Variants in PDGFC observed in about 807,000 individuals in gnomAD.
PDGFC encodes platelet derived growth factor C.
PDGFC carries 12 observed loss-of-function variants against 35.5 expected under a neutral mutation model. That is an observed-to-expected ratio of 0.34 (90% CI 0.22 to 0.55). The LOEUF (loss-of-function observed/expected upper bound fraction) is 0.55, where lower values mean the gene tolerates loss of function less well. Among genes scored for constraint, PDGFC ranks in the 20% least tolerant of loss-of-function variants. PDGFC has a pLI of 0.91. For synonymous variants in PDGFC, 159 were observed against 148.8 expected (o/e 1.07, Z -0.50); for missense variants, 322 against 412.4 (o/e 0.78, Z 1.90).
intron 2 of PDGFC, among the ~76,000 whole-genome samples, chr4:156,825,593 T>TAATAATAAGAAGAAGAAGAAG (rs1267062505): frequency 1.6e-5 from 1 of 62,186 alleles, no homozygotes; most frequent in Non-Finnish European, 2.8e-5. Context: ...ATAATAATAA[T>TAATAATAAGAAGAAGAAGAAG]AAGAAGAAGA....
intron 3 of PDGFC, among the ~76,000 whole-genome samples, chr4:156,775,752 G>A (rs1362178772): frequency 6.6e-6 from 1 of 152,196 alleles, no homozygotes; most frequent in Non-Finnish European, 1.5e-5. Context: ...AAATGTGAAA[G>A]GTTGGGAGAA....
chr4:156,878,036 C>G (rs917919700), intron 1 of PDGFC, among the ~76,000 whole-genome samples: 1 of 152,072 alleles, frequency 6.6e-6, no homozygotes, highest in African/African-American at 2.4e-5. Flanking sequence ...AGGTAAGTTC[C>G]CGAGGTATAG....
At chr4:156,825,567 A>T (rs1015091012) in intron 2 of PDGFC, among the ~76,000 whole-genome samples, 1 of 88,364 alleles carries the variant, frequency 1.1e-5, no homozygotes. Context: ...TAATAATAAT[A>T]ATAATAATAA....
intron 1 of PDGFC, among the ~76,000 whole-genome samples, chr4:156,903,125 G>GTGTGTGTGTGT (rs1553975812): frequency 1.2e-3 from 177 of 150,732 alleles, no homozygotes; most frequent in Middle Eastern, 3.4e-3. Context: ...GTGTGTGTGT[G>GTGTGTGTGTGT]TGTGTGTATA....
At chr4:156,946,620 A>G (rs568558734) in intron 1 of PDGFC, among the ~76,000 whole-genome samples, 2 of 152,154 alleles carry the variant, frequency 1.3e-5, no homozygotes, top group East Asian at 3.9e-4. Flanking sequence ...GAGTTTATCT[A>G]TTTATCATCA....
chr4:156,792,650 T>G (rs1450185296), intron 3 of PDGFC, among the ~76,000 whole-genome samples: 2 of 152,158 alleles, frequency 1.3e-5, no homozygotes, highest in South Asian at 2.1e-4. Flanking sequence ...CAAATACCAC[T>G]AAAGGCCAAT....
chr4:156,933,231 C>T (rs1380302237), intron 1 of PDGFC, among the ~76,000 whole-genome samples: 1 of 152,200 alleles, frequency 6.6e-6, no homozygotes, highest in Non-Finnish European at 1.5e-5. Flanking sequence ...TGAAATGCTG[C>T]TTATATATTT....
rs148915144 is a variant in PDGFC at position 156,817,445 on chromosome 4, C to A, written c.315-6428G>T. On this transcript the variant is annotated intron_variant, in intron 2 of 5. Transcript: ENST00000502773. Reference sequence around the variant, plus strand: ...TTTATGTAACTTTATGCTAATTAAACCTGAAAAATTAGATAAAATGGATGA... The same window carrying A: ...TTTATGTAACTTTATGCTAATTAAAACTGAAAAATTAGATAAAATGGATGA... Among the ~76,000 whole-genome samples, 524 of 151,948 alleles carry A rather than the reference C, an allele frequency of 3.4e-3. 10 individuals are homozygous for A. Among genetic ancestry groups the A allele is most frequent in the Admixed American group, 0.027 (405 of 15,274 alleles).
intron 1 of PDGFC, among the ~76,000 whole-genome samples, chr4:156,851,989 AAACAACAACAACAGC>A (rs1560841216): frequency 6.6e-6 from 1 of 151,584 alleles, no homozygotes; most frequent in African/African-American, 2.4e-5. Flanking sequence ...CCAATGAGAA[AAACAACAACAACAGC>A]AACAACAACA....
At chr4:156,911,843 C>T (rs1234376961) in intron 1 of PDGFC, among the ~76,000 whole-genome samples, 6 of 152,040 alleles carry the variant, frequency 3.9e-5, no homozygotes, top group Admixed American at 6.6e-5. Flanking sequence ...AATGCACATG[C>T]GTTGGTAAGC....
At chr4:156,815,951 G>A (rs946641858) in intron 2 of PDGFC, among the ~76,000 whole-genome samples, 2 of 152,072 alleles carry the variant, frequency 1.3e-5, no homozygotes, top group African/African-American at 2.4e-5. Context: ...GAGGATTTAC[G>A]TTCTTTTATG....
chr4:156,942,111 A>G (rs905086920), intron 1 of PDGFC, among the ~76,000 whole-genome samples: 1 of 151,922 alleles, frequency 6.6e-6, no homozygotes, highest in African/African-American at 2.4e-5. Flanking sequence ...TAAAGACGAG[A>G]GGGAAAACCC....
intron 1 of PDGFC, among the ~76,000 whole-genome samples, chr4:156,963,484 C>G (rs1218126420): frequency 6.6e-6 from 1 of 150,556 alleles, no homozygotes; most frequent in South Asian, 2.1e-4. Context: ...TAAAACAAAA[C>G]AAAACAAATA....
At chr4:156,896,037 AC>A (rs1385597817) in intron 1 of PDGFC, among the ~76,000 whole-genome samples, 1 of 152,190 alleles carries the variant, frequency 6.6e-6, no homozygotes, top group Non-Finnish European at 1.5e-5. Flanking sequence ...TTAATTACAG[AC>A]TACAAAGAAA....
intron 3 of PDGFC, among the ~76,000 whole-genome samples, chr4:156,773,233 C>G (rs991414992): frequency 6.6e-6 from 1 of 152,096 alleles, no homozygotes; most frequent in Non-Finnish European, 1.5e-5. Flanking sequence ...CTTTTCTTTT[C>G]CACTTTTCAT....
intron 2 of PDGFC, among the ~76,000 whole-genome samples, chr4:156,848,854 T>C (rs1729386789): frequency 6.6e-6 from 1 of 151,930 alleles, no homozygotes; most frequent in East Asian, 1.9e-4. Flanking sequence ...CTCTTGGTGT[T>C]AACCTGTGGG....
At chr4:156,948,255 G>C (rs1479397792) in intron 1 of PDGFC, among the ~76,000 whole-genome samples, 1 of 150,582 alleles carries the variant, frequency 6.6e-6, no homozygotes, top group African/African-American at 2.4e-5. Context: ...ACCCCATATG[G>C]TGCCAAATGT....
chr4:156,762,854 C>A lies in PDGFC; in HGVS notation c.*236G>T, dbSNP rs1339412479. ...TCTATTTAATACAACATTTAATTTT[C>A]TTTCCACGATTGAAGACCTTTTCTC... On this transcript the variant is annotated 3_prime_UTR_variant, in exon 6 of 6. Transcript: ENST00000502773. 2.3e-6 allele frequency: 1 copy of A among 428,552 alleles called. No individual in the cohort carries two copies. The highest frequency in any genetic ancestry group is 2.0e-5 in the African/African-American group (1 of 51,034). The allele number at this position is 428,552 out of a possible 1,614,324, so 26.5% of individuals were successfully genotyped here. A position where few individuals can be genotyped will look rare whatever the true frequency, so the allele number is the denominator to read the frequency against.
intron 1 of PDGFC, among the ~76,000 whole-genome samples, chr4:156,930,624 T>C (rs1208969162): frequency 6.6e-6 from 1 of 152,168 alleles, no homozygotes; most frequent in Non-Finnish European, 1.5e-5. Context: ...TCCCGGCACT[T>C]TGGGAGGCCG....
Sources: allele counts gnomAD v4.1 joint callset (sites outside exome capture counted in the v4.1 genomes callset), GRCh38; gene constraint gnomAD v4.1.1; transcripts MANE v1.5; gene names NCBI Gene and HGNC (gene_info 2026-07-23, HGNC 2026-07-21).